Variants in JADE1 observed in about 807,000 individuals in gnomAD.
JADE1 encodes the protein jade family PHD finger 1, also known as protein Jade-1.
Under a neutral mutation model 81.8 loss-of-function variants are expected in JADE1, and 14 were observed. That is an observed-to-expected ratio of 0.17 (90% CI 0.11 to 0.27). The LOEUF is 0.27. Ranked by LOEUF, JADE1 falls within the 10% of genes least tolerant of loss-of-function variation. The pLI is 1.00. For synonymous variants in JADE1, 353 were observed against 391.9 expected, an observed-to-expected ratio of 0.90 and a Z score of 1.17; for missense variants, 690 against 1,047.9, an observed-to-expected ratio of 0.66 and a Z score of 4.71.
At chr4:128,865,514 G>A (rs1239929963) in intron 9 of JADE1, among the ~76,000 whole-genome samples, 1 of 152,040 alleles carries the variant, frequency 6.6e-6, no homozygotes, top group Admixed American at 6.6e-5. Flanking sequence ...AGGAAGAAGG[G>A]ACAAGCTGGA....
At position 128,861,572 on chromosome 4, in the gene JADE1, T is replaced by C. The variant is rs531996190; in HGVS notation, c.982-132T>C. The stretch of plus-strand genomic sequence containing the variant: ...TGCAGGGTTAATCCACGTACAACTT[T>C]CCTGTCATGGCACATGCTTGAAGCA... On this transcript the variant is annotated intron_variant, in intron 8 of 10. Transcript: ENST00000226319. 27 of 1,049,954 alleles carry C rather than the reference T, an allele frequency of 2.6e-5. No homozygotes were observed. In the African/African-American group the frequency reaches 4.3e-4, roughly 17 times the overall value. 65.0% of individuals were successfully genotyped at this position (1,049,954 alleles called of 1,614,324 possible).
rs78831944 is a variant in JADE1 at position 128,818,562 on chromosome 4, G to A, written c.-27+8685G>A. ...TTTATAAACATCATACTACTGATCG[G>A]TTGATTTATAGGACAGATCAGTTGC... On this transcript the variant is annotated intron_variant, in intron 1 of 10. Coordinates refer to ENST00000226319, the MANE Select transcript of JADE1 (RefSeq NM_199320.4). 9.8e-3 allele frequency among the ~76,000 whole-genome samples: 1,490 copies of A among 152,200 alleles called. 26 individuals are homozygous for A. The highest frequency in any genetic ancestry group is 0.035 in the African/African-American group (1,435 of 41,506).
rs1330374740 is a variant in JADE1, at chr4:128,843,006, T to G, written c.106T>G (p.Cys36Gly). ...NSRSQHRRSS[C>G]SRHEDRKPSE... ...CCGATCCCAGCATAGGAGAAGCTCC[T>G]GCTCCAGACATGAAGATCGAAAGCC... The change falls in exon 3 of 11, where the codon TGC becomes GGC. Residue 36 changes from cysteine to glycine, a missense_variant. Cys to Gly is a radical substitution (Grantham distance 159). This residue lies in a region of JADE1 where 59 missense variants were observed against 52.8 expected (regional missense o/e 1.12). Transcript: ENST00000226319. 6.2e-7 allele frequency: 1 copy of G among 1,614,076 alleles called. No homozygotes were observed. Among genetic ancestry groups the G allele is most frequent in the Admixed American group, 1.7e-5 (1 of 60,034 alleles).
At chr4:128,812,228 G>T (rs1417990145) in intron 1 of JADE1, among the ~76,000 whole-genome samples, 1 of 152,086 alleles carries the variant, frequency 6.6e-6, no homozygotes, top group Non-Finnish European at 1.5e-5. Flanking sequence ...TCACTGCACC[G>T]GGGCTAATTC....
rs2125909101 is a variant in JADE1, at chr4:128,872,888, T to C, written c.*626T>C. 1 of 456,236 alleles carries C rather than the reference T, an allele frequency of 2.2e-6. No individual in the cohort carries two copies. Among genetic ancestry groups the C allele is most frequent in the South Asian group, 1.5e-5 (1 of 64,546 alleles). The allele number at this position is 456,236 out of a possible 1,614,324, so 28.3% of individuals were successfully genotyped here. ...AGCTGAGGGGACAGGGTAGAGCTGCTGCAATATGGAGATTTAGGGTAATAT... is the reference window on the plus strand; with the variant it reads ...AGCTGAGGGGACAGGGTAGAGCTGCCGCAATATGGAGATTTAGGGTAATAT... On this transcript the variant is annotated 3_prime_UTR_variant, in exon 11 of 11. Coordinates refer to ENST00000226319, the MANE Select transcript of JADE1 (RefSeq NM_199320.4).
chr4:128,838,676 A>T (rs1422592340), intron 2 of JADE1, among the ~76,000 whole-genome samples: 2 of 152,104 alleles, frequency 1.3e-5, no homozygotes, highest in African/African-American at 4.8e-5. Context: ...TTCTGGTTTG[A>T]CCCCACTGTC....
intron 9 of JADE1, chr4:128,863,904 A>G (rs1731578226): frequency 1.0e-6 from 1 of 985,448 alleles, no homozygotes; most frequent in Non-Finnish European, 1.2e-6. Context: ...AATCACCACA[A>G]AATAAAAGTG....
At chr4:128,829,100 T>C (rs1320969231) in intron 1 of JADE1, among the ~76,000 whole-genome samples, 1 of 152,184 alleles carries the variant, frequency 6.6e-6, no homozygotes, top group Non-Finnish European at 1.5e-5. Flanking sequence ...TTGGAGAGCT[T>C]ACCTGTCTGC....
intron 1 of JADE1, among the ~76,000 whole-genome samples, chr4:128,815,342 C>T (rs1051011820): frequency 1.3e-5 from 2 of 152,286 alleles, no homozygotes; most frequent in African/African-American, 4.8e-5. Context: ...CCTCGTGATC[C>T]GCCCGCCTCA....
At chr4:128,814,443 T>C (rs1166961396) in intron 1 of JADE1, among the ~76,000 whole-genome samples, 3 of 152,130 alleles carry the variant, frequency 2.0e-5, no homozygotes, top group African/African-American at 7.2e-5. Flanking sequence ...GAAACAAATA[T>C]AAAAACAAAT....
intron 2 of JADE1, among the ~76,000 whole-genome samples, chr4:128,838,639 T>A (rs1729183911): frequency 6.6e-6 from 1 of 152,244 alleles, no homozygotes; most frequent in Non-Finnish European, 1.5e-5. Flanking sequence ...TGACTCCTGG[T>A]CTTTTTAGTA....
intron 1 of JADE1, among the ~76,000 whole-genome samples, chr4:128,812,794 G>T (rs891446916): frequency 6.6e-6 from 1 of 152,236 alleles, no homozygotes; most frequent in African/African-American, 2.4e-5. Flanking sequence ...GCCTTACTTC[G>T]GCAGGGGCGA....
intron 1 of JADE1, among the ~76,000 whole-genome samples, chr4:128,830,857 A>G (rs1728492720): frequency 6.6e-6 from 1 of 152,230 alleles, no homozygotes; most frequent in Non-Finnish European, 1.5e-5. Context: ...TCTTACCTAA[A>G]TGCAGCCTTT....
chr4:128,820,678 G>A (rs1727483245), intron 1 of JADE1, among the ~76,000 whole-genome samples: 1 of 151,832 alleles, frequency 6.6e-6, no homozygotes, highest in South Asian at 2.1e-4. Flanking sequence ...AACATTGGGA[G>A]TCTCTCTCTT....
At chr4:128,835,046 G>C (rs570394215) in intron 2 of JADE1, among the ~76,000 whole-genome samples, 2 of 152,144 alleles carry the variant, frequency 1.3e-5, no homozygotes, top group South Asian at 4.2e-4. Flanking sequence ...AGTGTCCACA[G>C]TCCCCACCAA....
intron 8 of JADE1, among the ~76,000 whole-genome samples, chr4:128,860,838 A>G (rs1267262562): frequency 6.6e-6 from 1 of 152,090 alleles, no homozygotes; most frequent in Admixed American, 6.5e-5. Context: ...AGGATCTTTC[A>G]CGGTTCTCCT....
chr4:128,870,155 T>C (rs1305748168), intron 10 of JADE1, among the ~76,000 whole-genome samples: 2 of 152,198 alleles, frequency 1.3e-5, no homozygotes, highest in African/African-American at 2.4e-5. Context: ...TGGCAGGTGA[T>C]TGAGTAAAAG....
chr4:128,856,382 A>C (rs1310531230), intron 7 of JADE1, among the ~76,000 whole-genome samples: 2 of 152,168 alleles, frequency 1.3e-5, no homozygotes, highest in Non-Finnish European at 2.9e-5. Context: ...CAGCCATCAC[A>C]GTGAGCCTTC....
chr4:128,870,397 A>G (rs368069741), intron 10 of JADE1, among the ~76,000 whole-genome samples: 3 of 151,996 alleles, frequency 2.0e-5, no homozygotes, highest in South Asian at 4.2e-4. Context: ...GGTGGCTCAT[A>G]TCTTATGGGA....
Sources: allele counts gnomAD v4.1 joint callset (sites outside exome capture counted in the v4.1 genomes callset), GRCh38; gene constraint gnomAD v4.1.1; regional missense constraint gnomAD v4.1.1; transcripts MANE v1.5; gene names NCBI Gene and HGNC (gene_info 2026-07-23, HGNC 2026-07-21).